The following CRTC3 variants were observed in gnomAD, a reference collection of about 807,000 sequenced individuals.
The protein encoded by CRTC3 is CREB-regulated transcription coactivator 3.
In CRTC3, 26 loss-of-function variants were observed where a neutral mutation model predicts 74.5. The observed-to-expected ratio is 0.35, with a 90% confidence interval of 0.26 to 0.48. CRTC3 has a LOEUF of 0.48. Among genes scored for constraint, CRTC3 ranks in the 20% least tolerant of loss-of-function variants. The pLI is 0.99. For synonymous variants in CRTC3, 377 were observed against 325.8 expected (o/e 1.16, Z -1.69); for missense variants, 760 against 787.3 (o/e 0.97, Z 0.41).
intron 3 of CRTC3, chr15:90,595,022 G>C (rs1240032307): frequency 6.6e-6 from 1 of 152,158 alleles, no homozygotes; most frequent in Non-Finnish European, 1.5e-5. Flanking sequence ...ACCACATTTG[G>C]TCCACAGAAG....
rs984494026 is a variant in CRTC3, at chr15:90,542,421, C to T, written c.231+2284C>T. Among the ~76,000 whole-genome samples the T allele has an allele frequency of 3.8e-4, 58 of 151,998 alleles. 2 individuals are homozygous for T. The highest frequency in any genetic ancestry group is 8.8e-5 in the Non-Finnish European group (6 of 68,010). ...CTCGAACTCCTGACCTCAGGTGATC[C>T]GCCCATCTCGTCCTCCCAAAGTGCT... is the stretch of plus-strand genomic sequence containing the variant. On this transcript the variant is annotated intron_variant, in intron 2 of 14. Coordinates refer to ENST00000268184, the MANE Select transcript of CRTC3 (RefSeq NM_022769.5).
At chr15:90,537,987 G>A (rs1326031795) in intron 1 of CRTC3, among the ~76,000 whole-genome samples, 1 of 152,220 alleles carries the variant, frequency 6.6e-6, no homozygotes, top group African/African-American at 2.4e-5. Flanking sequence ...GTTGAGGGCA[G>A]GTCCCTATCT....
At chr15:90,626,042 T>G in intron 10 of CRTC3, 49 bp downstream of exon 10, 5 of 1,406,054 alleles carry the variant, frequency 3.6e-6, no homozygotes, top group Non-Finnish European at 4.0e-6. Context: ...TCATAGGTGG[T>G]CCCCACCCAT....
At chr15:90,619,844 C>T in intron 9 of CRTC3, 54 bp downstream of exon 9, 1 of 1,455,314 alleles carries the variant, frequency 6.9e-7, no homozygotes, top group Non-Finnish European at 9.6e-7. Context: ...AGGTTTTTCC[C>T]AAAAGTCTCG....
chr15:90,622,323 A>C (rs940447709), intron 9 of CRTC3, among the ~76,000 whole-genome samples: 7 of 152,154 alleles, frequency 4.6e-5, no homozygotes, highest in African/African-American at 1.7e-4. Context: ...GAACGTTACT[A>C]ATGACCTGTT....
Position 90,645,311 on chromosome 15 carries a change from G to A in CRTC3, c.*3171G>A, listed in dbSNP as rs924532995. The A allele has an allele frequency of 2.9e-5, 6 of 209,018 alleles. No homozygotes were observed. Among genetic ancestry groups the A allele is most frequent in the Admixed American group, 5.9e-5 (1 of 16,886 alleles). 12.9% of individuals were successfully genotyped at this position (209,018 alleles called of 1,614,324 possible). ...TATAATGCATCATTTTACATCTTTTGTAATTAAAAGCATCACAATGAGGTT... is the reference window on the plus strand; with the variant it reads ...TATAATGCATCATTTTACATCTTTTATAATTAAAAGCATCACAATGAGGTT... On this transcript the variant is annotated 3_prime_UTR_variant, in exon 15 of 15. Coordinates refer to ENST00000268184, the MANE Select transcript of CRTC3 (RefSeq NM_022769.5).
chr15:90,638,192 T>C, intron 11 of CRTC3: 1 of 427,526 alleles, frequency 2.3e-6, no homozygotes, highest in South Asian at 5.0e-5. Flanking sequence ...GAAAGGAAAT[T>C]GGTTAAATTG....
At chr15:90,531,319 C>T (rs1215985325) in intron 1 of CRTC3, among the ~76,000 whole-genome samples, 1 of 152,118 alleles carries the variant, frequency 6.6e-6, no homozygotes. Context: ...TACATGACAG[C>T]TACCGACCTG....
intron 1 of CRTC3, among the ~76,000 whole-genome samples, chr15:90,537,128 C>G (rs1966732270): frequency 6.6e-6 from 1 of 152,186 alleles, no homozygotes; most frequent in Non-Finnish European, 1.5e-5. Flanking sequence ...GTGTTGAAGA[C>G]AGTCTCAAAG....
intron 6 of CRTC3, among the ~76,000 whole-genome samples, chr15:90,609,849 C>T (rs185809755): frequency 6.6e-6 from 1 of 152,176 alleles, no homozygotes; most frequent in South Asian, 2.1e-4. Context: ...AGGGTTCCTG[C>T]GTTGACTTGA....
intron 1 of CRTC3, among the ~76,000 whole-genome samples, chr15:90,535,875 T>G (rs1966711027): frequency 6.6e-6 from 1 of 152,160 alleles, no homozygotes; most frequent in Non-Finnish European, 1.5e-5. Context: ...ATGAGTAAAC[T>G]GAGGCTTAGA....
intron 11 of CRTC3, among the ~76,000 whole-genome samples, chr15:90,632,246 T>TG: frequency 6.6e-6 from 1 of 152,304 alleles, no homozygotes; most frequent in African/African-American, 2.4e-5. Flanking sequence ...GGAGACTGTA[T>TG]GGCCAGAGTG....
At chr15:90,571,138 G>T (rs1472943440) in intron 2 of CRTC3, among the ~76,000 whole-genome samples, 1 of 152,192 alleles carries the variant, frequency 6.6e-6, no homozygotes, top group Non-Finnish European at 1.5e-5. Context: ...TGATGCTGGA[G>T]ATACAATGAC....
intron 2 of CRTC3, among the ~76,000 whole-genome samples, chr15:90,546,065 T>C (rs1051574402): frequency 1.3e-5 from 2 of 152,202 alleles, no homozygotes; most frequent in African/African-American, 2.4e-5. Flanking sequence ...AGTTTATCAA[T>C]TGTGTTATTT....
chr15:90,550,368 C>G (rs1966852709), intron 2 of CRTC3, among the ~76,000 whole-genome samples: 1 of 151,030 alleles, frequency 6.6e-6, no homozygotes, highest in Admixed American at 6.6e-5. Flanking sequence ...TGAGATCGCA[C>G]CATTGCACTC....
intron 5 of CRTC3, among the ~76,000 whole-genome samples, chr15:90,605,086 C>A (rs940689077): frequency 6.6e-6 from 1 of 151,708 alleles, no homozygotes; most frequent in African/African-American, 2.4e-5. Flanking sequence ...GATGGTGAGA[C>A]CCTGTCTCTA....
At chr15:90,537,439 A>T (rs369302999) in intron 1 of CRTC3, among the ~76,000 whole-genome samples, 31 of 152,286 alleles carry the variant, frequency 2.0e-4, no homozygotes, top group East Asian at 1.2e-3. Flanking sequence ...GCTGGAGTGC[A>T]ATGGCGCCAT....
chr15:90,565,599 T>C (rs1967106233), intron 2 of CRTC3, among the ~76,000 whole-genome samples: 1 of 152,250 alleles, frequency 6.6e-6, no homozygotes, highest in Non-Finnish European at 1.5e-5. Flanking sequence ...GCAAGTCTAT[T>C]GGTGCCATTT....
chr15:90,539,730 T>A (rs909121865), intron 1 of CRTC3: 4 of 307,418 alleles, frequency 1.3e-5, no homozygotes, highest in Non-Finnish European at 2.4e-5. Flanking sequence ...TAGTTTTTCT[T>A]TCAGAAATTC....
Sources: allele counts gnomAD v4.1 joint callset (sites outside exome capture counted in the v4.1 genomes callset), GRCh38; gene constraint gnomAD v4.1.1; transcripts MANE v1.5; gene names NCBI Gene and HGNC (gene_info 2026-07-23, HGNC 2026-07-21).